Variants in GLB1 observed in about 807,000 individuals in gnomAD.
GLB1 encodes galactosidase beta 1, also known as beta-galactosidase.
GLB1 carries 56 observed loss-of-function variants against 74.0 expected under a neutral mutation model. The ratio of observed to expected loss-of-function variants is 0.76; its 90% CI spans 0.61 to 0.94. GLB1 has a LOEUF of 0.94. Among genes scored for constraint, GLB1 ranks in the 40% least tolerant of loss-of-function variants. The pLI is 0.00. For missense variants in GLB1, 787 were observed against 845.5 expected, an observed-to-expected ratio of 0.93 and a Z score of 0.86; for synonymous variants, 323 against 323.6, an observed-to-expected ratio of 1.00 and a Z score of 0.02.
rs565881489 is a variant in GLB1, at chr3:33,081,657, G to A, written c.76-8944C>T. Among the ~76,000 whole-genome samples, 318 of 152,338 alleles carry A rather than the reference G, an allele frequency of 2.1e-3. 1 individual carries two copies. Among genetic ancestry groups the A allele is most frequent in the Non-Finnish European group, 4.1e-3 (277 of 68,016 alleles). Reference sequence around the variant, plus strand: ...GGGGCGCCCTAGTGTCGCTGGGGATGATGAGGTTCTGGCATAACCAGCATG... The same window carrying A: ...GGGGCGCCCTAGTGTCGCTGGGGATAATGAGGTTCTGGCATAACCAGCATG... On this transcript the variant is annotated intron_variant, in intron 1 of 15. Transcript: ENST00000307363.
the GLB1 span, among the ~76,000 whole-genome samples, chr3:32,978,240 G>A: frequency 6.6e-6 from 1 of 152,138 alleles, no homozygotes; most frequent in Non-Finnish European, 1.5e-5. Context: ...TTTGGAGGGG[G>A]GCATTTGCCA....
chr3:32,994,589 G>C (rs1696275374), downstream of GLB1, among the ~76,000 whole-genome samples: 1 of 152,038 alleles, frequency 6.6e-6, no homozygotes, highest in African/African-American at 2.4e-5. Flanking sequence ...TGGGTTGAGG[G>C]GAGTCCAGAG....
chr3:33,052,341 T>C (rs1296120132), intron 7 of GLB1, among the ~76,000 whole-genome samples: 1 of 152,172 alleles, frequency 6.6e-6, no homozygotes, highest in Admixed American at 6.5e-5. Flanking sequence ...TTTTATAGAA[T>C]AACAGCTCCA....
At chr3:32,962,175 CA>C in the GLB1 span, among the ~76,000 whole-genome samples, 1 of 130,024 alleles carries the variant, frequency 7.7e-6, no homozygotes, top group East Asian at 2.3e-4. Flanking sequence ...GCCTGGGCGA[CA>C]GAGTGAGACT....
At chr3:33,014,001 A>T in intron 15 of GLB1, 55 bp downstream of exon 15, 4 of 1,613,748 alleles carry the variant, frequency 2.5e-6, no homozygotes, top group Non-Finnish European at 3.4e-6. Context: ...TTTCTCAGAC[A>T]CTAACAACCA....
At chr3:32,991,396 T>C in the GLB1 span, among the ~76,000 whole-genome samples, 60 of 152,282 alleles carry the variant, frequency 3.9e-4, no homozygotes, top group Admixed American at 1.9e-3. Flanking sequence ...AATACACAAA[T>C]TGGAGTGTGC....
At chr3:33,096,984 C>T (rs1417610789) in intron 1 of GLB1, 27 bp downstream of exon 1, 23 of 1,609,348 alleles carry the variant, frequency 1.4e-5, no homozygotes, top group Non-Finnish European at 2.0e-5. Context: ...AGCAATGCCT[C>T]CCCGTACCCG....
intron 1 of GLB1, chr3:33,092,681 C>A (rs972766289): frequency 1.4e-6 from 2 of 1,421,110 alleles, no homozygotes; most frequent in Non-Finnish European, 9.2e-7. Flanking sequence ...GGCAGGCCCA[C>A]CATAAGTCAC....
rs774732235 is a variant in GLB1 at position 33,016,847 on chromosome 3, G to C, written c.1348-7C>G. 1.2e-6 allele frequency: 2 copies of C among 1,613,720 alleles called. No individual in the cohort carries two copies. Among genetic ancestry groups the C allele is most frequent in the Non-Finnish European group, 1.7e-6 (2 of 1,179,734 alleles). On this transcript the variant is annotated splice_polypyrimidine_tract_variant and splice_region_variant and intron_variant, in intron 13 of 15. Coordinates refer to ENST00000307363, the MANE Select transcript of GLB1 (RefSeq NM_000404.4). ...CAAGGACTCCCTGGGGGATCTGTGG[G>C]GTTCAAGACCAAATGACAATTGAAT...
intron 1 of GLB1, chr3:33,096,769 G>A (rs1701048520): frequency 1.9e-5 from 25 of 1,324,564 alleles, no homozygotes; most frequent in Non-Finnish European, 2.4e-5. Context: ...AGCGCAAAGG[G>A]CGGCCGGAGC....
intron 1 of GLB1, among the ~76,000 whole-genome samples, chr3:33,073,106 T>C (rs567677342): frequency 1.3e-5 from 2 of 152,160 alleles, no homozygotes; most frequent in East Asian, 3.9e-4. Context: ...AACAACAATG[T>C]CACTGGGATA....
Position 32,996,649 on chromosome 3 carries a change from A to G in GLB1, c.*396T>C. 1 of 280,402 alleles carries G rather than the reference A, an allele frequency of 3.6e-6. No homozygotes were observed. The highest frequency in any genetic ancestry group is 6.9e-6 in the Non-Finnish European group (1 of 144,330). 17.4% of individuals were successfully genotyped at this position (280,402 alleles called of 1,614,324 possible). On this transcript the variant is annotated 3_prime_UTR_variant, in exon 16 of 16. Coordinates refer to ENST00000307363, the MANE Select transcript of GLB1 (RefSeq NM_000404.4). ...GAACTTCAAGTTAGTGAAGTGGTTT[A>G]TTCAGCCCACTCAAGTCTAGTTATG...
intron 1 of GLB1, chr3:33,096,796 C>A: frequency 7.4e-7 from 1 of 1,348,870 alleles, no homozygotes; most frequent in Non-Finnish European, 9.5e-7. Context: ...CACAAGCGAC[C>A]GAGCTGCCTG....
chr3:33,033,778 CAAAA>C (rs60962107), intron 10 of GLB1: 1,036 of 180,158 alleles, frequency 5.8e-3, no homozygotes, highest in South Asian at 0.011. Context: ...GAGACTGTCT[CAAAA>C]AAAAAAAAAA....
intron 15 of GLB1, among the ~76,000 whole-genome samples, chr3:33,009,138 T>C (rs1337106295): frequency 6.7e-6 from 1 of 149,658 alleles, no homozygotes; most frequent in Admixed American, 6.7e-5. Context: ...AATAAATAAA[T>C]AAATAAATAA....
rs1313516710 is a variant in GLB1, at chr3:33,016,779, C to A, written c.1409G>T (p.Gly470Val). The A allele has an allele frequency of 6.2e-7, 1 of 1,614,022 alleles. No individual in the cohort carries two copies. The highest frequency in any genetic ancestry group is 1.3e-5 in the African/African-American group (1 of 74,916). ...VITLNITGKA[G>V]ATLDLLVENM... ...CTCTACCAGAAGGTCCAGAGTGGCT[C>A]CAGCTTTCCCTGTTATGTTCAGAGT... The change falls in exon 14 of 16, where the codon GGA becomes GTA. Residue 470 changes from glycine (G) to valine (V), a missense_variant. Transcript: ENST00000307363.
At chr3:33,058,997 G>C (rs7628609) in intron 5 of GLB1, among the ~76,000 whole-genome samples, 35,725 of 152,164 alleles carry the variant, frequency 0.23, 5,737 homozygotes, top group East Asian at 0.82. Flanking sequence ...AAATGTTTGA[G>C]GTTGTCATAC....
chr3:33,009,913 A>G (rs1289798968), intron 15 of GLB1, among the ~76,000 whole-genome samples: 1 of 152,180 alleles, frequency 6.6e-6, no homozygotes, highest in African/African-American at 2.4e-5. Context: ...TATTTTTCCA[A>G]TTCATCTGGA....
chr3:33,057,831 A>G (rs1699279782), intron 6 of GLB1, among the ~76,000 whole-genome samples: 1 of 152,190 alleles, frequency 6.6e-6, no homozygotes, highest in East Asian at 1.9e-4. Context: ...GGGCCAGCCT[A>G]GCCCCTGAGA....
Sources: gnomAD v4.1 joint callset for allele counts (sites outside exome capture counted in the v4.1 genomes callset) on GRCh38, gnomAD v4.1.1 for gene constraint, MANE v1.5 for transcripts, NCBI Gene and HGNC (gene_info 2026-07-23, HGNC 2026-07-21) for gene names.